The following DPP10 variants were observed in gnomAD, a reference collection of about 807,000 sequenced individuals.
DPP10 encodes the protein dipeptidyl peptidase like 10, also known as inactive dipeptidyl peptidase 10.
In DPP10, 33 loss-of-function variants were observed where a neutral mutation model predicts 120.9. The observed-to-expected ratio is 0.27, with a 90% CI of 0.21 to 0.37. The LOEUF is 0.37. DPP10 is among the 10% of genes least tolerant of loss of function. DPP10 has a pLI of 1.00. For missense variants in DPP10, 816 were observed against 942.8 expected, an observed-to-expected ratio of 0.87 and a Z score of 1.76; for synonymous variants, 337 against 326.1, an observed-to-expected ratio of 1.03 and a Z score of -0.36.
At chr2:114,905,951 A>T (rs1283616486) in intron 1 of DPP10, among the ~76,000 whole-genome samples, 1 of 152,132 alleles carries the variant, frequency 6.6e-6, no homozygotes, top group African/African-American at 2.4e-5. Context: ...ATTTCTTAGG[A>T]TATTCTGTAT....
intron 1 of DPP10, among the ~76,000 whole-genome samples, chr2:115,255,802 A>G (rs1229422575): frequency 6.6e-6 from 1 of 152,164 alleles, no homozygotes; most frequent in Non-Finnish European, 1.5e-5. Flanking sequence ...CCATATCACT[A>G]TCAGATTTTG....
chr2:114,924,310 T>A (rs1695431518), intron 1 of DPP10, among the ~76,000 whole-genome samples: 1 of 152,048 alleles, frequency 6.6e-6, no homozygotes, highest in African/African-American at 2.4e-5. Context: ...GTGGATTGCC[T>A]GAGCTGAGGA....
intron 1 of DPP10, among the ~76,000 whole-genome samples, chr2:115,286,080 CTT>C (rs1173123543): frequency 3.3e-5 from 5 of 151,780 alleles, no homozygotes; most frequent in Admixed American, 6.6e-5. Flanking sequence ...TGTATTTACT[CTT>C]TTTCATTACT....
chr2:115,677,551 C>G (rs2090357860), intron 5 of DPP10, among the ~76,000 whole-genome samples: 1 of 151,886 alleles, frequency 6.6e-6, no homozygotes, highest in Non-Finnish European at 1.5e-5. Context: ...TGTAAGGATA[C>G]ATGTAGACTG....
rs747312002 is a variant in DPP10 at position 114,866,149 on chromosome 2, A to AAATAAATT, written c.60+423313_60+423314insTAAATTAA. Among the ~76,000 whole-genome samples the AAATAAATT allele has an allele frequency of 3.7e-4, 56 of 151,058 alleles. 1 individual carries two copies. The highest frequency in any genetic ancestry group is 6.5e-4 in the Non-Finnish European group (44 of 67,776). On this transcript the variant is annotated intron_variant, in intron 1 of 25. Transcript: ENST00000410059. ...TAAATAAATAAATAAATAAATAAAT[A>AAATAAATT]AACTTATATGCTTGTTTATTCAAAA...
chr2:115,344,123 G>A (rs2106261920), intron 3 of DPP10, among the ~76,000 whole-genome samples: 1 of 131,424 alleles, frequency 7.6e-6, no homozygotes, highest in African/African-American at 2.9e-5. Flanking sequence ...GTGACAGAGC[G>A]AGACTCCATC....
intron 1 of DPP10, among the ~76,000 whole-genome samples, chr2:114,904,277 T>A (rs1022820049): frequency 6.6e-6 from 1 of 152,164 alleles, no homozygotes; most frequent in Non-Finnish European, 1.5e-5. Flanking sequence ...AGATGTCAAA[T>A]GAAAATGAGG....
At chr2:114,669,360 G>T (rs1177786886) in intron 1 of DPP10, among the ~76,000 whole-genome samples, 1 of 152,100 alleles carries the variant, frequency 6.6e-6, no homozygotes, top group African/African-American at 2.4e-5. Context: ...TGATTGTTCA[G>T]CCTACAGTAG....
chr2:115,609,782 C>T (rs7604938), intron 5 of DPP10, among the ~76,000 whole-genome samples: 92,466 of 151,766 alleles, frequency 0.61, 29,076 homozygotes, highest in Middle Eastern at 0.76. Context: ...TAATTAATGG[C>T]TCAGCTGTGA....
chr2:114,536,373 T>C (rs1012764995), intron 1 of DPP10, among the ~76,000 whole-genome samples: 3 of 151,818 alleles, frequency 2.0e-5, no homozygotes, highest in Non-Finnish European at 4.4e-5. Flanking sequence ...GTGTATTCCT[T>C]TTTTTTCTTT....
chr2:114,568,849 C>A (rs1158207328), intron 1 of DPP10, among the ~76,000 whole-genome samples: 1 of 152,160 alleles, frequency 6.6e-6, no homozygotes, highest in South Asian at 2.1e-4. Context: ...CTCTGTATCA[C>A]CAAATCTATT....
At chr2:115,463,865 G>A (rs1220478539) in intron 3 of DPP10, among the ~76,000 whole-genome samples, 2 of 152,110 alleles carry the variant, frequency 1.3e-5, no homozygotes, top group African/African-American at 2.4e-5. Context: ...GATGCCCTGC[G>A]ACAAATGTGA....
intron 1 of DPP10, among the ~76,000 whole-genome samples, chr2:115,298,364 T>C (rs1344628926): frequency 6.6e-6 from 1 of 152,058 alleles, no homozygotes; most frequent in African/African-American, 2.4e-5. Context: ...AAAATGCAGG[T>C]GTACTGATTC....
At chr2:114,565,576 T>C (rs1386366049) in intron 1 of DPP10, among the ~76,000 whole-genome samples, 1 of 152,234 alleles carries the variant, frequency 6.6e-6, no homozygotes, top group East Asian at 1.9e-4. Context: ...AACTCAGCCA[T>C]GCTTCCCTTG....
At chr2:114,761,076 G>C (rs1459778563) in intron 1 of DPP10, among the ~76,000 whole-genome samples, 2 of 152,062 alleles carry the variant, frequency 1.3e-5, no homozygotes, top group Non-Finnish European at 2.9e-5. Context: ...AAAACATTGG[G>C]GCTCAGTTGA....
At chr2:114,894,442 T>C (rs906342962) in intron 1 of DPP10, among the ~76,000 whole-genome samples, 1 of 152,206 alleles carries the variant, frequency 6.6e-6, no homozygotes, top group African/African-American at 2.4e-5. Flanking sequence ...GGTTTGCCTA[T>C]TCCGTTCATT....
chr2:115,036,299 C>T (rs986058128), intron 1 of DPP10, among the ~76,000 whole-genome samples: 3 of 152,112 alleles, frequency 2.0e-5, no homozygotes, highest in Admixed American at 6.6e-5. Context: ...CTGTCCTTGA[C>T]GTGTGGGGAT....
intron 1 of DPP10, chr2:114,707,184 C>T (rs1356224788): frequency 6.6e-6 from 1 of 152,070 alleles, no homozygotes; most frequent in Admixed American, 6.6e-5. Flanking sequence ...TGTAAGTTGA[C>T]CTTCACAAGA....
chr2:115,433,964 T>C (rs1368842534), intron 3 of DPP10, among the ~76,000 whole-genome samples: 1 of 152,060 alleles, frequency 6.6e-6, no homozygotes, highest in Non-Finnish European at 1.5e-5. Context: ...AGTCATTATC[T>C]ATTTATCTTT....
Sources: gnomAD v4.1 joint callset for allele counts (sites outside exome capture counted in the v4.1 genomes callset) on GRCh38, gnomAD v4.1.1 for gene constraint, MANE v1.5 for transcripts, NCBI Gene and HGNC (gene_info 2026-07-23, HGNC 2026-07-21) for gene names.